The following DARS1 variants were observed in gnomAD, a reference collection of about 807,000 sequenced individuals.
DARS1 encodes aspartate--tRNA ligase, cytoplasmic.
A neutral mutation model predicts 68.8 loss-of-function variants in DARS1; 51 were observed. The observed-to-expected ratio is 0.74, with a 90% CI of 0.59 to 0.94. The LOEUF is 0.94. Among genes scored for constraint, DARS1 ranks in the 40% least tolerant of loss-of-function variants. The pLI, the probability that DARS1 is intolerant of heterozygous loss-of-function variation, is 0.00. For synonymous variants in DARS1, 203 were observed against 190.4 expected (o/e 1.07, Z -0.55); for missense variants, 607 against 597.3 (o/e 1.02, Z -0.17).
chr2:135,929,239 A>C (rs987867817), intron 7 of DARS1, among the ~76,000 whole-genome samples: 3 of 152,242 alleles, frequency 2.0e-5, no homozygotes, highest in Non-Finnish European at 4.4e-5. Flanking sequence ...AAATGTCCAG[A>C]TCTACTTTCA....
At chr2:135,983,230 T>C (rs764783219) in intron 2 of DARS1, among the ~76,000 whole-genome samples, 167 bp downstream of exon 2, 1 of 152,212 alleles carries the variant, frequency 6.6e-6, no homozygotes, top group Non-Finnish European at 1.5e-5. Flanking sequence ...AACCCTAAAC[T>C]GACAATGTTT....
chr2:135,929,312 A>G (rs902367469), intron 7 of DARS1, among the ~76,000 whole-genome samples: 6 of 151,918 alleles, frequency 3.9e-5, no homozygotes, highest in African/African-American at 1.2e-4. Context: ...CGAGTCCCCA[A>G]TTTTCTGCCC....
At chr2:135,941,445 T>C (rs536875065) in intron 5 of DARS1, among the ~76,000 whole-genome samples, 116 of 152,230 alleles carry the variant, frequency 7.6e-4, no homozygotes, top group African/African-American at 1.1e-3. Flanking sequence ...CTGGGAAAAC[T>C]GGCTAGCCAT....
intron 3 of DARS1, among the ~76,000 whole-genome samples, chr2:135,968,013 A>G (rs2104839575): frequency 6.6e-6 from 1 of 152,316 alleles, no homozygotes; most frequent in South Asian, 2.1e-4. Flanking sequence ...TAATCCCAGC[A>G]CTTTGGGAGG....
chr2:135,978,253 C>A (rs533102647), intron 3 of DARS1, among the ~76,000 whole-genome samples: 10 of 150,968 alleles, frequency 6.6e-5, no homozygotes, highest in South Asian at 6.3e-4. Context: ...AAATAATGGG[C>A]ATGTATTAAT....
At chr2:135,980,336 ATTAG>A (rs1167865510) in intron 2 of DARS1, 1 of 152,252 alleles carries the variant, frequency 6.6e-6, no homozygotes, top group African/African-American at 2.4e-5. Flanking sequence ...ACATTTAAGT[ATTAG>A]TTAAATTAAA....
rs918489193 is a variant in DARS1 at position 135,936,191 on chromosome 2, T to C, written c.424-2201A>G. Among the ~76,000 whole-genome samples, 4 of 152,358 alleles carry C rather than the reference T, an allele frequency of 2.6e-5. No homozygotes were observed. The South Asian group carries it at 6.2e-4, about 24-fold the overall frequency. ...AGTGATAAAGCAAAGTCACTACTTA[T>C]ATAAGATTCTACTTAGTAGGTAATA... On this transcript the variant is annotated intron_variant, in intron 5 of 15. Coordinates refer to ENST00000264161, the MANE Select transcript of DARS1 (RefSeq NM_001349.4).
Position 135,917,638 on chromosome 2 carries a change from G to A in DARS1, c.960-1266C>T, listed in dbSNP as rs116723553. On this transcript the variant is annotated intron_variant, in intron 10 of 15. Coordinates refer to ENST00000264161, the MANE Select transcript of DARS1 (RefSeq NM_001349.4). The stretch of plus-strand genomic sequence containing the variant: ...ACTACAGGTATGTGCCACTATGACC[G>A]GCTAATTTTTTGTTACTTTTTGCAG... Among the ~76,000 whole-genome samples the A allele has an allele frequency of 7.6e-3, 1,157 of 151,838 alleles. 11 individuals are homozygous for A. Among genetic ancestry groups the A allele is most frequent in the African/African-American group, 0.026 (1,090 of 41,414 alleles).
At chr2:135,985,639 G>A (rs781285897), upstream of DARS1, 11 of 1,435,600 alleles carry the variant, frequency 7.7e-6, no homozygotes, top group Admixed American at 2.5e-5. Context: ...CGAGAGCTGC[G>A]GCTATCTCGA....
At chr2:135,947,174 G>T (rs1236877013) in intron 4 of DARS1, among the ~76,000 whole-genome samples, 2 of 152,092 alleles carry the variant, frequency 1.3e-5, no homozygotes, top group Non-Finnish European at 2.9e-5. Flanking sequence ...GGGAGGTCGG[G>T]GTGGGTGGAT....
At chr2:135,943,254 T>C in intron 5 of DARS1, 124 bp downstream of exon 5, 1 of 1,325,158 alleles carries the variant, frequency 7.5e-7, no homozygotes, top group East Asian at 2.5e-5. Context: ...GCTAATTGAT[T>C]CAGTAACTAA....
chr2:135,907,257 TTTTTG>T lies in DARS1; in HGVS notation c.*54_*58del. ...GTGTGGCTTTCTTTTTTTTTTTTTT[TTTTTG>T]AGGCAGGGTCTCGCTCTGTCATCCA... On this transcript the variant is annotated 3_prime_UTR_variant, in exon 16 of 16. Transcript: ENST00000264161. 2 of 944,038 alleles carry T rather than the reference TTTTTG, an allele frequency of 2.1e-6. No homozygotes were observed. Among genetic ancestry groups the T allele is most frequent in the Non-Finnish European group, 3.0e-6 (2 of 662,350 alleles). The allele number at this position is 944,038 out of a possible 1,614,324, so 58.5% of individuals were successfully genotyped here.
chr2:135,977,289 G>C (rs1410921588), intron 3 of DARS1, among the ~76,000 whole-genome samples: 1 of 152,088 alleles, frequency 6.6e-6, no homozygotes, highest in Non-Finnish European at 1.5e-5. Flanking sequence ...AATTTGCGTA[G>C]AGTAAACAGA....
intron 1 of DARS1, 48 bp downstream of exon 1, chr2:135,985,355 C>T (rs1337528242): frequency 6.3e-7 from 1 of 1,599,150 alleles, no homozygotes; most frequent in Non-Finnish European, 8.5e-7. Flanking sequence ...TCGGCGCAGC[C>T]CGGCCCAGGG....
chr2:135,911,350 T>C, intron 14 of DARS1, 32 bp downstream of exon 14: 1 of 864,802 alleles, frequency 1.2e-6, no homozygotes, highest in Non-Finnish European at 2.0e-6. Flanking sequence ...TTTCAGAATA[T>C]ACACTCCCCT....
At chr2:135,978,276 ATAT>A (rs529966389) in intron 3 of DARS1, among the ~76,000 whole-genome samples, 21 of 152,262 alleles carry the variant, frequency 1.4e-4, no homozygotes, top group African/African-American at 3.8e-4. Flanking sequence ...TACAATAAAA[ATAT>A]TATAAAACAC....
At chr2:135,914,600 G>A (rs1322099200) in intron 11 of DARS1, 89 bp from the exon 12 acceptor site, 1 of 866,122 alleles carries the variant, frequency 1.2e-6, no homozygotes, top group Non-Finnish European at 2.0e-6. Context: ...AGTTTCTCAA[G>A]GGATTACAAA....
intron 3 of DARS1, among the ~76,000 whole-genome samples, chr2:135,965,014 A>C (rs1016923137): frequency 2.6e-5 from 4 of 152,132 alleles, no homozygotes; most frequent in African/African-American, 4.8e-5. Context: ...GTTTTACAAA[A>C]ACCTATATAG....
intron 4 of DARS1, among the ~76,000 whole-genome samples, chr2:135,955,705 T>TTTTTTA (rs1553446835): frequency 1.6e-5 from 2 of 123,442 alleles, no homozygotes; most frequent in Non-Finnish European, 3.2e-5. Flanking sequence ...TTTTTTTTTT[T>TTTTTTA]AGACAGGGTC....
Sources: gnomAD v4.1 joint callset for allele counts (sites outside exome capture counted in the v4.1 genomes callset) on GRCh38, gnomAD v4.1.1 for gene constraint, MANE v1.5 for transcripts, NCBI Gene and HGNC (gene_info 2026-07-23, HGNC 2026-07-21) for gene names.